The following NXPE2 variants were observed in gnomAD, a reference collection of about 807,000 sequenced individuals.
The protein encoded by NXPE2 is neurexophilin and PC-esterase domain family member 2.
In NXPE2, 34 loss-of-function variants were observed where a neutral mutation model predicts 34.4. That is an observed-to-expected ratio of 0.99 (90% CI 0.75 to 1.31). The LOEUF is 1.31. NXPE2 is among the 40% of genes most tolerant of loss of function. The pLI, the probability that NXPE2 is intolerant of heterozygous loss-of-function variation, is 0.00. For missense variants in NXPE2, 649 were observed against 672.5 expected, an observed-to-expected ratio of 0.97 and a Z score of 0.39; for synonymous variants, 235 against 231.3, an observed-to-expected ratio of 1.02 and a Z score of -0.15.
the NXPE2 span, among the ~76,000 whole-genome samples, chr11:114,499,470 A>G: frequency 6.6e-6 from 1 of 152,070 alleles, no homozygotes; most frequent in African/African-American, 2.4e-5. Flanking sequence ...ATTTCTTCTG[A>G]AAATATTTGT....
the NXPE2 span, among the ~76,000 whole-genome samples, chr11:114,778,341 A>G: frequency 6.7e-4 from 102 of 152,336 alleles, no homozygotes; most frequent in African/African-American, 2.3e-3. Context: ...AGTCCTTGCT[A>G]AGGAATCTTT....
At chr11:114,725,972 A>ATATATATATATATATATAT in the NXPE2 span, among the ~76,000 whole-genome samples, 58 of 14,206 alleles carry the variant, frequency 4.1e-3, no homozygotes, top group African/African-American at 7.4e-3. Context: ...TATAATAAAA[A>ATATATATATATATATATAT]AAAAATATAT....
chr11:114,546,668 G>T, the NXPE2 span, among the ~76,000 whole-genome samples: 1 of 151,952 alleles, frequency 6.6e-6, no homozygotes, highest in Non-Finnish European at 1.5e-5. Context: ...AACAAACAGA[G>T]CCAGTGTCTA....
At chr11:114,799,867 C>A in the NXPE2 span, among the ~76,000 whole-genome samples, 1 of 151,276 alleles carries the variant, frequency 6.6e-6, no homozygotes, top group East Asian at 2.0e-4. Context: ...CTTCATCTCA[C>A]CCTCCCTCCC....
the NXPE2 span, among the ~76,000 whole-genome samples, chr11:114,636,383 A>C: frequency 6.6e-6 from 1 of 151,872 alleles, no homozygotes; most frequent in Non-Finnish European, 1.5e-5. Flanking sequence ...CTAGCGGTCT[A>C]TCAATTTTGT....
At chr11:114,732,521 C>A in the NXPE2 span, among the ~76,000 whole-genome samples, 21 of 152,294 alleles carry the variant, frequency 1.4e-4, no homozygotes, top group African/African-American at 5.1e-4. Flanking sequence ...GGAAACCCAA[C>A]CTGTGACACT....
the NXPE2 span, among the ~76,000 whole-genome samples, chr11:114,670,363 G>C: frequency 6.6e-6 from 1 of 151,918 alleles, no homozygotes; most frequent in African/African-American, 2.4e-5. Context: ...TGCACTTCTG[G>C]AGAAATAGAC....
intron 2 of NXPE2, among the ~76,000 whole-genome samples, chr11:114,691,445 C>T (rs12274839): frequency 0.095 from 14,395 of 152,100 alleles, 817 homozygotes; most frequent in African/African-American, 0.15. Flanking sequence ...GTAATTCAAG[C>T]TGCAGTCTAG....
chr11:114,578,628 A>G, the NXPE2 span, among the ~76,000 whole-genome samples: 1 of 152,192 alleles, frequency 6.6e-6, no homozygotes, highest in Non-Finnish European at 1.5e-5. Flanking sequence ...GTTTGAGATC[A>G]TGAGTGGCCT....
the NXPE2 span, among the ~76,000 whole-genome samples, chr11:114,569,811 T>C: frequency 6.6e-6 from 1 of 152,146 alleles, no homozygotes; most frequent in Non-Finnish European, 1.5e-5. Context: ...TTTAAAATCC[T>C]CTTAAAGCTG....
the NXPE2 span, among the ~76,000 whole-genome samples, chr11:114,733,344 T>C: frequency 9.7e-4 from 147 of 152,246 alleles, no homozygotes; most frequent in African/African-American, 3.3e-3. Context: ...CTGCCCGCCT[T>C]GGCCTCCCAA....
chr11:114,803,440 C>T, the NXPE2 span, among the ~76,000 whole-genome samples: 4 of 152,200 alleles, frequency 2.6e-5, no homozygotes, highest in Non-Finnish European at 5.9e-5. Flanking sequence ...AAATTTATTT[C>T]TCACAGTTCT....
the NXPE2 span, chr11:114,528,731 A>G: frequency 7.2e-6 from 4 of 558,478 alleles, no homozygotes; most frequent in Non-Finnish European, 1.3e-5. Flanking sequence ...AAGTGGAGGA[A>G]GGAAGAAAGG....
the NXPE2 span, among the ~76,000 whole-genome samples, chr11:114,725,799 A>C: frequency 6.6e-6 from 1 of 151,348 alleles, no homozygotes; most frequent in Non-Finnish European, 1.5e-5. Context: ...AGTTCTCTTC[A>C]TTTACGTGCA....
At chr11:114,596,751 C>T in the NXPE2 span, among the ~76,000 whole-genome samples, 12 of 152,084 alleles carry the variant, frequency 7.9e-5, no homozygotes, top group Non-Finnish European at 1.8e-4. Context: ...AGGACTGATG[C>T]CAGCAACCAC....
chr11:114,793,668 A>G, the NXPE2 span, among the ~76,000 whole-genome samples: 1 of 152,156 alleles, frequency 6.6e-6, no homozygotes, highest in Admixed American at 6.5e-5. Flanking sequence ...TAAAGCACAG[A>G]CTGTCTTTGT....
chr11:114,659,808 A>G, the NXPE2 span, among the ~76,000 whole-genome samples: 2 of 152,106 alleles, frequency 1.3e-5, no homozygotes, highest in East Asian at 3.8e-4. Flanking sequence ...GCAGAGGAAA[A>G]CAATAATGTA....
the NXPE2 span, among the ~76,000 whole-genome samples, chr11:114,617,186 G>T: frequency 6.6e-6 from 1 of 151,588 alleles, no homozygotes; most frequent in Non-Finnish European, 1.5e-5. Context: ...GATAATAAGT[G>T]TTGTCTTGTT....
At chr11:114,650,236 AGAG>A in the NXPE2 span, among the ~76,000 whole-genome samples, 5 of 152,216 alleles carry the variant, frequency 3.3e-5, no homozygotes, top group Non-Finnish European at 7.3e-5. Context: ...CACAGGAAAA[AGAG>A]GAGAGAGCAT....
Sources: allele counts gnomAD v4.1 joint callset (sites outside exome capture counted in the v4.1 genomes callset), GRCh38; gene constraint gnomAD v4.1.1; transcripts MANE v1.5; gene names NCBI Gene and HGNC (gene_info 2026-07-23, HGNC 2026-07-21).